Variants in ZNF385D observed in about 807,000 individuals in gnomAD.
The protein encoded by ZNF385D is zinc finger protein 385D, also known as zinc finger protein 659.
ZNF385D carries 15 observed loss-of-function variants against 35.8 expected under a neutral mutation model. The observed-to-expected ratio is 0.42, with a 90% CI of 0.28 to 0.64. The LOEUF (loss-of-function observed/expected upper bound fraction) is 0.64, where lower values mean the gene tolerates loss of function less well. Among genes scored for constraint, ZNF385D ranks in the 30% least tolerant of loss-of-function variants. The probability of loss-of-function intolerance (pLI) is 0.23; values close to 1 mark genes in which losing one functional copy is unlikely to be tolerated. For missense variants in ZNF385D, 474 were observed against 494.6 expected (o/e 0.96, Z 0.39); for synonymous variants, 212 against 186.8 (o/e 1.13, Z -1.10).
rs995519335 is a variant in ZNF385D, at chr3:22,130,301, G to A, written c.325+38516C>T. Reference sequence around the variant, plus strand: ...AGTATCCCCTTAGCCAACCCAGCTGGTATCTCACTAGGTCATATGTACCCA... The same window carrying A: ...AGTATCCCCTTAGCCAACCCAGCTGATATCTCACTAGGTCATATGTACCCA... On this transcript the variant is annotated intron_variant, in intron 3 of 5. Coordinates refer to the ZNF385D transcript ENST00000494108. Among the ~76,000 whole-genome samples the A allele has an allele frequency of 2.6e-5, 4 of 152,100 alleles. No individual in the cohort carries two copies. In the South Asian group the frequency reaches 6.2e-4, roughly 24 times the overall value.
chr3:22,236,739 A>G (rs1318696947), intron 2 of ZNF385D, among the ~76,000 whole-genome samples: 2 of 152,160 alleles, frequency 1.3e-5, no homozygotes, highest in African/African-American at 2.4e-5. Flanking sequence ...CCCGGCAACT[A>G]GTAATCTACT....
intron 1 of ZNF385D, among the ~76,000 whole-genome samples, chr3:21,725,493 C>T (rs1394338662): frequency 6.6e-6 from 1 of 151,940 alleles, no homozygotes; most frequent in Non-Finnish European, 1.5e-5. Flanking sequence ...AAAAATGATA[C>T]AGGGGATATC....
At chr3:21,666,671 A>T (rs756126310) in intron 1 of ZNF385D, among the ~76,000 whole-genome samples, 7 of 152,208 alleles carry the variant, frequency 4.6e-5, no homozygotes, top group South Asian at 4.1e-4. Context: ...TAGAGAGGGC[A>T]TCCATAAAAC....
intron 2 of ZNF385D, among the ~76,000 whole-genome samples, chr3:22,222,881 C>T (rs960250939): frequency 3.3e-5 from 5 of 151,992 alleles, no homozygotes; most frequent in African/African-American, 4.8e-5. Flanking sequence ...TCTTGAAACT[C>T]GAAAGGCCTT....
chr3:21,820,882 A>G (rs2125733819), intron 3 of ZNF385D, among the ~76,000 whole-genome samples: 2 of 152,012 alleles, frequency 1.3e-5, no homozygotes, highest in South Asian at 4.1e-4. Flanking sequence ...AGTGGGAAAA[A>G]TACAGTAAAG....
chr3:22,142,239 T>C (rs1432361641), intron 3 of ZNF385D, among the ~76,000 whole-genome samples: 5 of 152,200 alleles, frequency 3.3e-5, no homozygotes, highest in African/African-American at 1.2e-4. Flanking sequence ...TATGTGTTTT[T>C]AACTAAAAAA....
chr3:22,139,754 TTAAAG>T (rs1159817148), intron 3 of ZNF385D, among the ~76,000 whole-genome samples: 2 of 151,438 alleles, frequency 1.3e-5, no homozygotes, highest in African/African-American at 4.9e-5. Context: ...ACCCTAAAAC[TTAAAG>T]TATAATAAAA....
chr3:22,191,988 A>G (rs940776482), intron 2 of ZNF385D, among the ~76,000 whole-genome samples: 15 of 152,188 alleles, frequency 9.9e-5, no homozygotes, highest in Admixed American at 4.6e-4. Flanking sequence ...AGGAATTGAC[A>G]TAATGATGAA....
intron 2 of ZNF385D, among the ~76,000 whole-genome samples, chr3:22,278,174 A>G (rs554490241): frequency 6.6e-6 from 1 of 152,244 alleles, no homozygotes; most frequent in African/African-American, 2.4e-5. Context: ...TATCAAGAAG[A>G]GAGGCATTTA....
chr3:21,730,156 A>G (rs897918592), intron 1 of ZNF385D, among the ~76,000 whole-genome samples: 1 of 152,242 alleles, frequency 6.6e-6, no homozygotes, highest in East Asian at 1.9e-4. Flanking sequence ...AATAGGCACA[A>G]GAAGTTGGAG....
chr3:22,182,829 A>C (rs138248992), intron 2 of ZNF385D, among the ~76,000 whole-genome samples: 3 of 152,246 alleles, frequency 2.0e-5, no homozygotes, highest in Non-Finnish European at 4.4e-5. Flanking sequence ...ATAAAAAATA[A>C]TTATACATAT....
intron 3 of ZNF385D, among the ~76,000 whole-genome samples, chr3:22,162,048 T>C (rs1261083182): frequency 6.6e-6 from 1 of 152,166 alleles, no homozygotes; most frequent in Admixed American, 6.6e-5. Flanking sequence ...AAATGATGTA[T>C]ATGAAGTACT....
intron 3 of ZNF385D, among the ~76,000 whole-genome samples, chr3:22,165,473 A>C (rs2125750000): frequency 6.6e-6 from 1 of 152,300 alleles, no homozygotes; most frequent in Non-Finnish European, 1.5e-5. Context: ...ATAAGGCAAA[A>C]AATACTCAGC....
intron 2 of ZNF385D, among the ~76,000 whole-genome samples, chr3:22,265,802 G>A (rs1269731943): frequency 6.6e-6 from 1 of 151,916 alleles, no homozygotes; most frequent in Non-Finnish European, 1.5e-5. Flanking sequence ...AACATTTGCT[G>A]CCTCATTTTA....
chr3:22,268,423 T>G (rs562759867), intron 2 of ZNF385D, among the ~76,000 whole-genome samples: 56 of 152,140 alleles, frequency 3.7e-4, no homozygotes, highest in Middle Eastern at 3.4e-3. Context: ...TTATTAATTT[T>G]TTACTTTTAT....
chr3:21,847,149 C>G (rs1010208428), intron 3 of ZNF385D, among the ~76,000 whole-genome samples: 3 of 151,954 alleles, frequency 2.0e-5, no homozygotes, highest in African/African-American at 7.2e-5. Context: ...AATTTTTCAG[C>G]AGTAGAAACA....
chr3:21,429,108 G>A (rs1701169805), intron 5 of ZNF385D, among the ~76,000 whole-genome samples: 1 of 151,028 alleles, frequency 6.6e-6, no homozygotes, highest in Non-Finnish European at 1.5e-5. Context: ...CTGGCATAAA[G>A]GAAAGATAGG....
At chr3:22,116,205 T>C (rs1702803973) in intron 3 of ZNF385D, among the ~76,000 whole-genome samples, 1 of 152,100 alleles carries the variant, frequency 6.6e-6, no homozygotes, top group African/African-American at 2.4e-5. Flanking sequence ...TCTCAAGTTA[T>C]AAATTTTTCT....
chr3:22,208,063 C>T (rs528506832), intron 2 of ZNF385D, among the ~76,000 whole-genome samples: 2 of 151,918 alleles, frequency 1.3e-5, no homozygotes, highest in South Asian at 4.1e-4. Flanking sequence ...TACGATGCAG[C>T]AATTCCACTG....
Sources: allele counts gnomAD v4.1 joint callset (sites outside exome capture counted in the v4.1 genomes callset), GRCh38; gene constraint gnomAD v4.1.1; transcripts MANE v1.5; gene names NCBI Gene and HGNC (gene_info 2026-07-23, HGNC 2026-07-21).